ESRRB: variants seen among roughly 807,000 people sequenced by gnomAD.
ESRRB encodes the protein estrogen related receptor beta, also known as steroid hormone receptor ERR2.
In ESRRB, 16 loss-of-function variants were observed where a neutral mutation model predicts 46.0. The observed-to-expected ratio is 0.35, with a 90% confidence interval of 0.24 to 0.53. The LOEUF is 0.53. Ranked by LOEUF, ESRRB falls within the 20% of genes least tolerant of loss-of-function variation. The probability of loss-of-function intolerance (pLI) is 0.93; values close to 1 mark genes in which losing one functional copy is unlikely to be tolerated. For missense variants in ESRRB, 488 were observed against 607.4 expected, an observed-to-expected ratio of 0.80 and a Z score of 2.07; for synonymous variants, 246 against 259.6, an observed-to-expected ratio of 0.95 and a Z score of 0.50.
chr14:76,448,745 C>T lies in ESRRB; in HGVS notation c.460+8995C>T, dbSNP rs544042726. Among the ~76,000 whole-genome samples, 5 of 150,234 alleles carry T rather than the reference C, an allele frequency of 3.3e-5. No individual in the cohort carries two copies. The East Asian group carries it at 9.6e-4, about 29-fold the overall frequency. On this transcript the variant is annotated intron_variant, in intron 2 of 6. Transcript: ENST00000644823. ...GCAATCCCCAAACAAAGTGATCTCC[C>T]ATTTCCCAGGGAGGACAAACTGAAG... is the stretch of plus-strand genomic sequence containing the variant.
intron 1 of ESRRB, among the ~76,000 whole-genome samples, chr14:76,418,759 G>A (rs533996714): frequency 4.5e-4 from 68 of 152,158 alleles, no homozygotes; most frequent in African/African-American, 1.6e-3. Flanking sequence ...AGGATTACGG[G>A]TGCCTGCCAC....
At chr14:76,386,606 G>C (rs1885242729) in intron 1 of ESRRB, among the ~76,000 whole-genome samples, 1 of 151,798 alleles carries the variant, frequency 6.6e-6, no homozygotes, top group Admixed American at 6.6e-5. Flanking sequence ...ACAGGTGTGT[G>C]CCACCACACC....
At chr14:76,443,379 G>A (rs1302714251) in intron 2 of ESRRB, among the ~76,000 whole-genome samples, 1 of 152,138 alleles carries the variant, frequency 6.6e-6, no homozygotes, top group African/African-American at 2.4e-5. Flanking sequence ...GTCTGAGTCT[G>A]GGGGAAGGCC....
At chr14:76,423,825 G>A (rs777073722) in intron 1 of ESRRB, among the ~76,000 whole-genome samples, 17 of 152,054 alleles carry the variant, frequency 1.1e-4, no homozygotes, top group Admixed American at 5.9e-4. Context: ...ACCCTGAGGT[G>A]GGAGCGTGAT....
Position 76,401,056 on chromosome 14 carries a change from C to T in ESRRB, c.50+24605C>T, listed in dbSNP as rs145599023. On this transcript the variant is annotated intron_variant, in intron 1 of 6. Coordinates refer to ENST00000644823, the MANE Select transcript of ESRRB (RefSeq NM_001379180.1). ...TTTACCCCGGGTGTGATCACAGCTC[C>T]GGCCCAGGCCACTACTGAGCCCTAC... Among the ~76,000 whole-genome samples the T allele has an allele frequency of 6.3e-3, 962 of 151,502 alleles. 40 individuals are homozygous for T. The highest frequency in any genetic ancestry group is 0.055 in the Admixed American group (840 of 15,232).
intron 1 of ESRRB, among the ~76,000 whole-genome samples, chr14:76,363,128 G>C (rs552172489): frequency 3.3e-5 from 5 of 152,308 alleles, no homozygotes; most frequent in Non-Finnish European, 5.9e-5. Context: ...CAAGGAATGA[G>C]AGGAATTGTG....
Position 76,408,345 on chromosome 14 carries a change from G to A in ESRRB, c.51-30996G>A, listed in dbSNP as rs540689456. On this transcript the variant is annotated intron_variant, in intron 1 of 6. Transcript: ENST00000644823. ...TGTAATCCCAACATCTTGGGAGGCC[G>A]AGGCAAAAGGGTCACTTGAGCCCAG... is the stretch of plus-strand genomic sequence containing the variant. Among the ~76,000 whole-genome samples, 38 of 152,248 alleles carry A rather than the reference G, an allele frequency of 2.5e-4. 1 individual carries two copies. Among genetic ancestry groups the A allele is most frequent in the African/African-American group, 9.1e-4 (38 of 41,540 alleles).
rs74443555 is a variant in ESRRB, at chr14:76,473,234, T to C, written c.578-8782T>C. Among the ~76,000 whole-genome samples, 73 of 152,338 alleles carry C rather than the reference T, an allele frequency of 4.8e-4. No homozygotes were observed. The East Asian group carries it at 9.5e-3, about 20-fold the overall frequency. ...CATGTATATTCTTCCTCCTCAACAT[T>C]GTTGGGCAGCTTAAATGAGATACGG... is the stretch of plus-strand genomic sequence containing the variant. On this transcript the variant is annotated intron_variant, in intron 3 of 6. Transcript: ENST00000644823.
Position 76,376,229 on chromosome 14 carries a change from G to A in ESRRB, c.-173G>A. On this transcript the variant is annotated 5_prime_UTR_variant, in exon 1 of 7. Transcript: ENST00000644823. This position sits in a 1 kb window ranked among gnomAD's most constrained non-coding sequence, Gnocchi z 4.1. Reference sequence around the variant, plus strand: ...GGATGAGTGGAGAGCTGGGCTGTGCGCGCACGGCTCTCTGCCTCCCTCTCC... The same window carrying A: ...GGATGAGTGGAGAGCTGGGCTGTGCACGCACGGCTCTCTGCCTCCCTCTCC... 4.9e-6 allele frequency: 2 copies of A among 406,352 alleles called. No homozygotes were observed. The highest frequency in any genetic ancestry group is 4.3e-6 in the Non-Finnish European group (1 of 234,672). 25.2% of individuals were successfully genotyped at this position (406,352 alleles called of 1,614,324 possible).
chr14:76,333,121 A>AT (rs376403899), intron 1 of ESRRB, among the ~76,000 whole-genome samples: 127 of 7,788 alleles, frequency 0.016, 26 homozygotes, highest in African/African-American at 0.058. Flanking sequence ...AATATATAAT[A>AT]TATATATTAT....
intron 1 of ESRRB, among the ~76,000 whole-genome samples, chr14:76,362,112 G>A (rs775737620): frequency 9.9e-5 from 15 of 152,208 alleles, no homozygotes; most frequent in Non-Finnish European, 2.1e-4. Context: ...CTTCTCCAGA[G>A]TTAAGGTCAG....
intron 1 of ESRRB, among the ~76,000 whole-genome samples, chr14:76,433,541 C>A (rs973776295): frequency 1.8e-4 from 28 of 152,198 alleles, no homozygotes; most frequent in Admixed American, 1.3e-4. Context: ...TCCTTCCCCA[C>A]GTCACAGCCT....
chr14:76,420,567 G>A (rs1203584851), intron 1 of ESRRB, among the ~76,000 whole-genome samples: 1 of 149,324 alleles, frequency 6.7e-6, no homozygotes, highest in East Asian at 2.0e-4. Flanking sequence ...GAGTGTGTGT[G>A]TGTGTGTGTG....
chr14:76,450,265 T>G (rs1888332828), intron 2 of ESRRB, among the ~76,000 whole-genome samples: 1 of 151,980 alleles, frequency 6.6e-6, no homozygotes, highest in Non-Finnish European at 1.5e-5. Flanking sequence ...AAAAAGCCAG[T>G]GTGTTTCAGG....
At chr14:76,472,695 T>C (rs571486468) in intron 3 of ESRRB, among the ~76,000 whole-genome samples, 1 of 152,362 alleles carries the variant, frequency 6.6e-6, no homozygotes, top group African/African-American at 2.4e-5. Flanking sequence ...TGGGCTGGAA[T>C]GCCCATCAGC....
rs1031413572 is a variant in ESRRB, at chr14:76,330,610, C to T, written c.2+19694C>T. Among the ~76,000 whole-genome samples, 6 of 152,118 alleles carry T rather than the reference C, an allele frequency of 3.9e-5. No individual in the cohort carries two copies. The East Asian group carries it at 9.7e-4, about 24-fold the overall frequency. The stretch of plus-strand genomic sequence containing the variant: ...GCTGGTGTGCAAGTAGACTAAGAAT[C>T]GAGGAAGGGAGGATCGAGGATCGTG... On this transcript the variant is annotated intron_variant, in intron 1 of 6. Transcript: ENST00000512784.
chr14:76,427,425 C>G (rs1478304893), intron 1 of ESRRB, among the ~76,000 whole-genome samples: 1 of 151,930 alleles, frequency 6.6e-6, no homozygotes, highest in Non-Finnish European at 1.5e-5. Context: ...GGTCAGACGT[C>G]CTTCACAGGA....
intron 2 of ESRRB, among the ~76,000 whole-genome samples, chr14:76,454,830 A>C (rs1253332430): frequency 3.9e-5 from 6 of 152,242 alleles, no homozygotes; most frequent in African/African-American, 1.4e-4. Context: ...TCTTTTCAAA[A>C]TAAGGTATAC....
chr14:76,351,042 A>G (rs1884307590), intron 1 of ESRRB, among the ~76,000 whole-genome samples: 2 of 152,154 alleles, frequency 1.3e-5, no homozygotes, highest in South Asian at 4.1e-4. Flanking sequence ...CTGAGACCAC[A>G]GGTTGGGGGT....
Sources: allele counts gnomAD v4.1 joint callset (sites outside exome capture counted in the v4.1 genomes callset), GRCh38; gene constraint gnomAD v4.1.1; non-coding constraint Gnocchi (gnomAD v3.1); transcripts MANE v1.5; gene names NCBI Gene and HGNC (gene_info 2026-07-23, HGNC 2026-07-21).